UBE2E2: variants seen among roughly 807,000 people sequenced by gnomAD.
The protein encoded by UBE2E2 is ubiquitin-conjugating enzyme E2 E2.
In UBE2E2, 6 loss-of-function variants were observed where a neutral mutation model predicts 24.7. The ratio of observed to expected loss-of-function variants is 0.24; its 90% CI spans 0.13 to 0.48. The LOEUF (loss-of-function observed/expected upper bound fraction) is 0.48. Ranked by LOEUF, UBE2E2 falls within the 20% of genes least tolerant of loss-of-function variation. The probability of loss-of-function intolerance (pLI) is 0.99; values close to 1 mark genes in which losing one functional copy is unlikely to be tolerated. For missense variants in UBE2E2, 169 were observed against 245.0 expected (o/e 0.69, Z 2.07); for synonymous variants, 104 against 83.6 (o/e 1.24, Z -1.33).
At chr3:23,494,477 C>T (rs755451404) in intron 3 of UBE2E2, among the ~76,000 whole-genome samples, 3 of 152,152 alleles carry the variant, frequency 2.0e-5, no homozygotes, top group Non-Finnish European at 2.9e-5. Flanking sequence ...ACACATACAG[C>T]ACATTTCAAT....
chr3:23,523,080 C>G (rs1694905832), intron 4 of UBE2E2, among the ~76,000 whole-genome samples: 1 of 151,916 alleles, frequency 6.6e-6, no homozygotes, highest in African/African-American at 2.4e-5. Context: ...AAAGAAGTAA[C>G]TAATTTAAAA....
intron 3 of UBE2E2, among the ~76,000 whole-genome samples, chr3:23,252,762 G>A (rs548908119): frequency 1.3e-5 from 2 of 152,316 alleles, no homozygotes; most frequent in Admixed American, 6.5e-5. Flanking sequence ...CTCCCAAAGT[G>A]CTGGTATTAC....
chr3:23,364,373 C>T (rs914340628), intron 3 of UBE2E2, among the ~76,000 whole-genome samples: 2 of 151,750 alleles, frequency 1.3e-5, no homozygotes, highest in Admixed American at 6.6e-5. Flanking sequence ...ATTGATATGC[C>T]ACTAGCGAGA....
intron 3 of UBE2E2, among the ~76,000 whole-genome samples, chr3:23,309,156 C>A (rs1211411970): frequency 6.6e-6 from 1 of 152,208 alleles, no homozygotes; most frequent in Non-Finnish European, 1.5e-5. Flanking sequence ...TCTCAGTACA[C>A]TGACTCACAG....
Position 23,589,613 on chromosome 3 carries a change from G to T in UBE2E2, c.509-121G>T. ...GGTGACTGGCTCAGCCGCAGCAATG[G>T]TGGTCCAGGTTAGAACAGCAGCTTC... On this transcript the variant is annotated intron_variant, in intron 5 of 5. Transcript: ENST00000396703. This position sits in a 1 kb window ranked among gnomAD's most constrained non-coding sequence, Gnocchi z 4.1. 1 of 924,450 alleles carries T rather than the reference G, an allele frequency of 1.1e-6. No homozygotes were observed. 57.3% of individuals were successfully genotyped at this position (924,450 alleles called of 1,614,324 possible).
At chr3:23,422,480 T>A (rs1697826183) in intron 3 of UBE2E2, among the ~76,000 whole-genome samples, 1 of 152,200 alleles carries the variant, frequency 6.6e-6, no homozygotes, top group Admixed American at 6.5e-5. Context: ...TGTTTCTTTA[T>A]GAAAATTTTT....
At chr3:23,300,782 A>G (rs1426935520) in intron 3 of UBE2E2, among the ~76,000 whole-genome samples, 11 of 151,912 alleles carry the variant, frequency 7.2e-5, no homozygotes, top group Non-Finnish European at 1.3e-4. Context: ...TCTTCTCGAG[A>G]AGTATCTTTG....
intron 3 of UBE2E2, among the ~76,000 whole-genome samples, chr3:23,439,251 G>A (rs1698245196): frequency 1.3e-5 from 2 of 152,174 alleles, no homozygotes; most frequent in African/African-American, 4.8e-5. Context: ...TATTCTTCCT[G>A]TGCACTGCAA....
intron 5 of UBE2E2, among the ~76,000 whole-genome samples, chr3:23,584,134 T>C (rs534938069): frequency 1.3e-5 from 2 of 152,350 alleles, no homozygotes; most frequent in African/African-American, 4.8e-5. Context: ...TGATGATATG[T>C]TGAATTTTAA....
intron 3 of UBE2E2, among the ~76,000 whole-genome samples, chr3:23,285,555 A>T (rs1698596862): frequency 6.6e-6 from 1 of 152,122 alleles, no homozygotes; most frequent in Non-Finnish European, 1.5e-5. Context: ...CTGTCTTTGG[A>T]TAAAAGTCAT....
intron 5 of UBE2E2, among the ~76,000 whole-genome samples, chr3:23,539,321 CTT>C (rs908739854): frequency 6.6e-6 from 1 of 152,194 alleles, no homozygotes; most frequent in African/African-American, 2.4e-5. Flanking sequence ...CCTGCTAAAA[CTT>C]TGTTACTTTC....
At chr3:23,438,595 A>G (rs1698233589) in intron 3 of UBE2E2, among the ~76,000 whole-genome samples, 1 of 152,224 alleles carries the variant, frequency 6.6e-6, no homozygotes, top group Non-Finnish European at 1.5e-5. Flanking sequence ...GCATTATGAT[A>G]GGCAGTTGGT....
At chr3:23,354,520 T>C (rs921838154) in intron 3 of UBE2E2, among the ~76,000 whole-genome samples, 3 of 151,876 alleles carry the variant, frequency 2.0e-5, no homozygotes, top group Non-Finnish European at 2.9e-5. Flanking sequence ...TACAATGAAC[T>C]CCAACAAATT....
chr3:23,314,769 T>C (rs1016768025), intron 3 of UBE2E2, among the ~76,000 whole-genome samples: 1 of 152,240 alleles, frequency 6.6e-6, no homozygotes, highest in Non-Finnish European at 1.5e-5. Context: ...AAATATGTCA[T>C]GCCACTCTAT....
chr3:23,462,820 CA>C (rs1383624657), intron 3 of UBE2E2, among the ~76,000 whole-genome samples: 3 of 152,156 alleles, frequency 2.0e-5, no homozygotes, highest in African/African-American at 7.2e-5. Context: ...CTGTAACCAT[CA>C]GGGGCTCTGG....
chr3:23,580,822 A>G (rs767680247), intron 5 of UBE2E2, among the ~76,000 whole-genome samples: 3 of 152,248 alleles, frequency 2.0e-5, no homozygotes, highest in Non-Finnish European at 4.4e-5. Context: ...GCAAACAAAC[A>G]TAATCATAAA....
At chr3:23,377,347 T>C (rs956147531) in intron 3 of UBE2E2, among the ~76,000 whole-genome samples, 2 of 152,236 alleles carry the variant, frequency 1.3e-5, no homozygotes, top group African/African-American at 4.8e-5. Context: ...CTTGGCTCAC[T>C]GTAATAGTAA....
At chr3:23,275,969 G>A (rs750075585) in intron 3 of UBE2E2, among the ~76,000 whole-genome samples, 1 of 152,160 alleles carries the variant, frequency 6.6e-6, no homozygotes, top group Non-Finnish European at 1.5e-5. Context: ...TATCTGAGAG[G>A]ATGTCACTTA....
chr3:23,524,817 G>A (rs776316153), intron 4 of UBE2E2, among the ~76,000 whole-genome samples: 1 of 151,724 alleles, frequency 6.6e-6, no homozygotes, highest in African/African-American at 2.4e-5. Flanking sequence ...TACCTTTTAA[G>A]AGAAAGTAAT....
Sources: allele counts gnomAD v4.1 joint callset (sites outside exome capture counted in the v4.1 genomes callset), GRCh38; gene constraint gnomAD v4.1.1; non-coding constraint Gnocchi (gnomAD v3.1); transcripts MANE v1.5; gene names NCBI Gene and HGNC (gene_info 2026-07-23, HGNC 2026-07-21).